CLOCK: variants seen among roughly 807,000 people sequenced by gnomAD.
CLOCK encodes the protein clock circadian regulator.
A neutral mutation model predicts 118.4 loss-of-function variants in CLOCK; 43 were observed. The ratio of observed to expected loss-of-function variants is 0.36; its 90% CI spans 0.28 to 0.47. The LOEUF (loss-of-function observed/expected upper bound fraction) is 0.47. CLOCK is among the 20% of genes least tolerant of loss of function. The pLI is 1.00. For synonymous variants in CLOCK, 326 were observed against 339.2 expected (o/e 0.96, Z 0.43); for missense variants, 846 against 999.9 (o/e 0.85, Z 2.08).
At chr4:55,451,510 A>G (rs575420269) in intron 15 of CLOCK, among the ~76,000 whole-genome samples, 1 of 152,278 alleles carries the variant, frequency 6.6e-6, no homozygotes, top group South Asian at 2.1e-4. Flanking sequence ...CCATCCACAC[A>G]TTGAAGTTTC....
chr4:55,494,860 C>G (rs1381936064), intron 2 of CLOCK, among the ~76,000 whole-genome samples: 1 of 152,154 alleles, frequency 6.6e-6, no homozygotes, highest in Non-Finnish European at 1.5e-5. Context: ...AGAAATGCAG[C>G]CCGCTGACAC....
chr4:55,545,534 A>AT (rs1478989375), intron 1 of CLOCK: 2 of 152,098 alleles, frequency 1.3e-5, no homozygotes, highest in African/African-American at 2.4e-5. Flanking sequence ...CACTGTAAAA[A>AT]TTTTTTTATT....
Position 55,445,555 on chromosome 4 carries a change from GCT to G in CLOCK, c.1540-772_1540-771del, listed in dbSNP as rs553267676. Among the ~76,000 whole-genome samples the G allele has an allele frequency of 7.3e-5, 10 of 136,700 alleles. No individual in the cohort carries two copies. In the South Asian group the frequency reaches 2.5e-3, roughly 34 times the overall value. The allele number at this position is 136,700 out of a possible 152,430, so 89.7% of individuals were successfully genotyped here. A position where few individuals can be genotyped will look rare whatever the true frequency, so the allele number is the denominator to read the frequency against. On this transcript the variant is annotated intron_variant, in intron 18 of 22. Coordinates refer to ENST00000513440, the MANE Select transcript of CLOCK (RefSeq NM_004898.4). Reference sequence around the variant, plus strand: ...TCCATCTACCTTACAGCTAGTGGTTGCTCTCTGCATCTGCTATTTCTATATTC... The same window carrying G: ...TCCATCTACCTTACAGCTAGTGGTTGCTCTGCATCTGCTATTTCTATATTC...
chr4:55,448,061 T>C (rs574759207), intron 18 of CLOCK, among the ~76,000 whole-genome samples: 1 of 152,308 alleles, frequency 6.6e-6, no homozygotes, highest in South Asian at 2.1e-4. Context: ...ACAATTCTCC[T>C]AGAAAGTTTT....
chr4:55,433,239 T>C lies in CLOCK; in HGVS notation c.*2176A>G, dbSNP rs1308492034. The C allele has an allele frequency of 6.6e-6, 1 of 152,656 alleles. No homozygotes were observed. Among genetic ancestry groups the C allele is most frequent in the African/African-American group, 2.4e-5 (1 of 41,452 alleles). 9.5% of individuals were successfully genotyped at this position (152,656 alleles called of 1,614,324 possible). ...TTCTGACAACTATTCTTGATATTCA[T>C]GGGAATGTGGGAAATCTCTACTGGA... On this transcript the variant is annotated 3_prime_UTR_variant, in exon 23 of 23. Coordinates refer to ENST00000513440, the MANE Select transcript of CLOCK (RefSeq NM_004898.4).
intron 4 of CLOCK, among the ~76,000 whole-genome samples, chr4:55,480,031 T>C (rs1726809473): frequency 6.6e-6 from 1 of 152,246 alleles, no homozygotes; most frequent in African/African-American, 2.4e-5. Context: ...TTTGCCATTA[T>C]ATAAAATTAT....
chr4:55,521,734 G>A, intron 1 of CLOCK, among the ~76,000 whole-genome samples: 1 of 152,146 alleles, frequency 6.6e-6, no homozygotes, highest in East Asian at 1.9e-4. Flanking sequence ...CCTCACCTCT[G>A]AATTCTCTCT....
chr4:55,459,550 A>G lies in CLOCK; in HGVS notation c.560-289T>C, dbSNP rs577035640. On this transcript the variant is annotated intron_variant, in intron 9 of 22. Transcript: ENST00000513440. Reference sequence around the variant, plus strand: ...CACTTTCAAAGGAAAGTTTTGCTTCACATTCTAAAGCTAATCCTTCCATCT... The same window carrying G: ...CACTTTCAAAGGAAAGTTTTGCTTCGCATTCTAAAGCTAATCCTTCCATCT... Among the ~76,000 whole-genome samples, 127 of 152,322 alleles carry G rather than the reference A, an allele frequency of 8.3e-4. 1 individual carries two copies. Among genetic ancestry groups the G allele is most frequent in the Middle Eastern group, 3.4e-3 (1 of 294 alleles).
chr4:55,497,908 A>C (rs1728187854), intron 2 of CLOCK, among the ~76,000 whole-genome samples: 3 of 152,116 alleles, frequency 2.0e-5, no homozygotes, highest in Admixed American at 6.5e-5. Context: ...ACTTTGTAGA[A>C]GCCTATTTTT....
At chr4:55,469,054 CATG>C (rs1450650529) in intron 8 of CLOCK, among the ~76,000 whole-genome samples, 1 of 152,106 alleles carries the variant, frequency 6.6e-6, no homozygotes, top group Non-Finnish European at 1.5e-5. Context: ...TACACATGTA[CATG>C]ATAATAAACA....
intron 20 of CLOCK, 34 bp downstream of exon 20, chr4:55,443,653 T>A: frequency 6.5e-7 from 1 of 1,534,628 alleles, no homozygotes; most frequent in Non-Finnish European, 9.0e-7. Flanking sequence ...CAACCACTGA[T>A]CACTCCATAG....
intron 1 of CLOCK, among the ~76,000 whole-genome samples, chr4:55,518,613 C>T (rs532174851): frequency 6.6e-6 from 1 of 152,236 alleles, no homozygotes; most frequent in South Asian, 2.1e-4. Flanking sequence ...ATGAGGGCTC[C>T]ACCCTCATCA....
chr4:55,544,209 C>T (rs1221188443), intron 1 of CLOCK, among the ~76,000 whole-genome samples: 1 of 150,906 alleles, frequency 6.6e-6, no homozygotes, highest in African/African-American at 2.4e-5. Context: ...CCCCAATTTA[C>T]CTTTCACTGG....
chr4:55,539,140 C>T (rs1731090146), intron 1 of CLOCK, among the ~76,000 whole-genome samples: 1 of 152,106 alleles, frequency 6.6e-6, no homozygotes, highest in South Asian at 2.1e-4. Flanking sequence ...GAGGCTGTGG[C>T]ATGAGAATCA....
chr4:55,464,946 TC>T (rs1168223976), intron 8 of CLOCK, among the ~76,000 whole-genome samples: 2 of 151,988 alleles, frequency 1.3e-5, no homozygotes, highest in East Asian at 1.9e-4. Context: ...GAGATGACCT[TC>T]CCCCCTCTCT....
At chr4:55,452,215 A>C (rs566149007) in intron 15 of CLOCK, 1 of 152,352 alleles carries the variant, frequency 6.6e-6, no homozygotes, top group East Asian at 1.9e-4. Flanking sequence ...TAGGTTACAA[A>C]AGACTGTGAC....
chr4:55,532,542 T>A (rs11939652), intron 1 of CLOCK, among the ~76,000 whole-genome samples: 46,019 of 149,154 alleles, frequency 0.31, 7,522 homozygotes, highest in East Asian at 0.58. Flanking sequence ...AAGGAAAATT[T>A]AAAAAAAAAA....
At chr4:55,505,635 G>A (rs1728750107) in intron 2 of CLOCK, among the ~76,000 whole-genome samples, 1 of 152,010 alleles carries the variant, frequency 6.6e-6, no homozygotes. Flanking sequence ...CTGCACTCCA[G>A]GCTGGGTGAC....
intron 1 of CLOCK, among the ~76,000 whole-genome samples, chr4:55,522,788 T>TAC (rs1004722001): frequency 1.3e-5 from 2 of 152,154 alleles, no homozygotes; most frequent in African/African-American, 4.8e-5. Flanking sequence ...CATGCACATG[T>TAC]ACACACACAA....
Sources: allele counts gnomAD v4.1 joint callset (sites outside exome capture counted in the v4.1 genomes callset), GRCh38; gene constraint gnomAD v4.1.1; transcripts MANE v1.5; gene names NCBI Gene and HGNC (gene_info 2026-07-23, HGNC 2026-07-21).